DUOX2: variants seen among roughly 807,000 people sequenced by gnomAD.
DUOX2 encodes NADH/NADPH thyroid oxidase p138-tox.
A neutral mutation model predicts 183.3 loss-of-function variants in DUOX2; 185 were observed. That is an observed-to-expected ratio of 1.01 (90% CI 0.90 to 1.14). DUOX2 has a LOEUF of 1.14. DUOX2 is among the 50% of genes most tolerant of loss of function. The pLI is 0.00. For synonymous variants in DUOX2, 788 were observed against 812.4 expected, an observed-to-expected ratio of 0.97 and a Z score of 0.51; for missense variants, 1,999 against 2,022.9, an observed-to-expected ratio of 0.99 and a Z score of 0.23.
rs1894211283 is a variant in DUOX2 at position 45,106,256 on chromosome 15, G to A, written c.2017C>T (p.Gln673Ter). 6.2e-7 allele frequency: 1 copy of A among 1,614,006 alleles called. No individual in the cohort carries two copies. Among genetic ancestry groups the A allele is most frequent in the African/African-American group, 1.3e-5 (1 of 74,924 alleles). ...IIQLLSDRCL[Q>*]VLNRHLTVLR... is the part of the protein sequence containing the mutation. Reference sequence around the variant, plus strand: ...ACAGTGAGATGCCTGTTCAGGACCTGCAGACACCTGTCTGACAGCAGCTGG... The same window carrying A: ...ACAGTGAGATGCCTGTTCAGGACCTACAGACACCTGTCTGACAGCAGCTGG... The change falls in exon 17 of 34, where the codon CAG (glutamine) becomes TAG (stop). Residue 673 changes from glutamine to a stop codon, truncating the protein, a stop_gained. Coordinates refer to ENST00000389039, the MANE Select transcript of DUOX2 (RefSeq NM_001363711.2). LOFTEE classifies it high-confidence loss of function.
intron 29 of DUOX2, 47 bp downstream of exon 29, chr15:45,097,191 G>T: frequency 6.2e-7 from 1 of 1,613,142 alleles, no homozygotes; most frequent in Non-Finnish European, 8.5e-7. Flanking sequence ...CATGTCTGAA[G>T]ATTTGGCCTC....
intron 29 of DUOX2, among the ~76,000 whole-genome samples, chr15:45,096,331 T>C (rs1893899663): frequency 6.6e-6 from 1 of 152,100 alleles, no homozygotes; most frequent in Non-Finnish European, 1.5e-5. Flanking sequence ...TACCACTGCC[T>C]TGAATACCAA....
Position 45,114,069 on chromosome 15 carries a change from C to T in DUOX2, c.-111G>A. On this transcript the variant is annotated 5_prime_UTR_variant, in exon 1 of 34. Transcript: ENST00000389039. ...CTTGCCTTCACCCTCACTCTTCCAG[C>T]TCCGCCGATCCTCAGCCTCCCCGGC... 1 of 208,760 alleles carries T rather than the reference C, an allele frequency of 4.8e-6. No homozygotes were observed. The highest frequency in any genetic ancestry group is 9.8e-6 in the Non-Finnish European group (1 of 102,046). 12.9% of individuals were successfully genotyped at this position (208,760 alleles called of 1,614,324 possible). A position where few individuals can be genotyped will look rare whatever the true frequency, so the allele number is the denominator to read the frequency against.
rs1232421381 is a variant in DUOX2, at chr15:45,106,190, G to A, written c.2083C>T (p.Leu695Phe). 1.2e-6 allele frequency: 2 copies of A among 1,614,094 alleles called. No individual in the cohort carries two copies. The highest frequency in any genetic ancestry group is 2.2e-5 in the East Asian group (1 of 44,886). ...CATCCTCGGTTGTTGGACAGGATGA[G>A]GTTGACCTGCTGCAGAGGCTGCAGC... is the stretch of plus-strand genomic sequence containing the variant. ...VQLQPLQQVN[L>F]ILSNNRGCRT... The change falls in exon 17 of 34, where the codon CTC becomes TTC. Residue 695 changes from leucine (L) to phenylalanine (F), a missense_variant. Transcript: ENST00000389039.
chr15:45,107,234 A>G, intron 14 of DUOX2, 111 bp downstream of exon 14: 1 of 1,429,934 alleles, frequency 7.0e-7, no homozygotes, highest in Non-Finnish European at 9.9e-7. Context: ...CTCCTAGCCC[A>G]ACACAGAAGG....
Position 45,097,345 on chromosome 15 carries a change from T to A in DUOX2, c.3740A>T (p.His1247Leu). Residue 1247 changes from histidine to leucine, a missense_variant, in exon 29 of 34, where the codon CAC becomes CTC. His to Leu is a moderately conservative substitution (Grantham distance 99, BLOSUM62 -3). Coordinates refer to ENST00000389039, the MANE Select transcript of DUOX2 (RefSeq NM_001363711.2). ...GATTGCCGGGACCAGGAAGTAGATG[T>A]GGAAAGTGGGCAGCTGGATCAGAGC... Reference protein sequence around the residue: ...SYALIQLPTFHIYFLVPAIIY... With the variant: ...SYALIQLPTFLIYFLVPAIIY... 9.9e-6 allele frequency: 16 copies of A among 1,614,186 alleles called. No homozygotes were observed. The highest frequency in any genetic ancestry group is 1.4e-5 in the Non-Finnish European group (16 of 1,180,048).
intron 31 of DUOX2, 114 bp downstream of exon 31, chr15:45,095,323 C>A: frequency 2.0e-6 from 3 of 1,520,054 alleles, no homozygotes; most frequent in Non-Finnish European, 2.7e-6. Flanking sequence ...GTAAGAATGA[C>A]CCCTTCAGAC....
intron 13 of DUOX2, 105 bp downstream of exon 13, chr15:45,107,942 G>C: frequency 7.6e-7 from 1 of 1,314,480 alleles, no homozygotes; most frequent in African/African-American, 1.5e-5. Context: ...GGGTGTGGTG[G>C]GCTGACTGGG....
In DUOX2 at chr15:45,099,770, G is replaced by C; in HGVS notation, c.3307C>G (p.Arg1103Gly). 6.2e-7 allele frequency: 1 copy of C among 1,614,176 alleles called. No homozygotes were observed. Among genetic ancestry groups the C allele is most frequent in the Non-Finnish European group, 8.5e-7 (1 of 1,180,046 alleles). Residue 1103 changes from arginine to glycine, a missense_variant, in exon 25 of 34, where the codon CGC becomes GGC. Physicochemically the swap from Arg to Gly is moderately radical, Grantham distance 125 (BLOSUM62 -2). Coordinates refer to ENST00000389039, the MANE Select transcript of DUOX2 (RefSeq NM_001363711.2). The part of the protein sequence containing the change: ...MFSYILLTMC[R>G]NLITFLRETF... ...TCTCGCAGGAAGGTTATGAGGTTGC[G>C]GCACATGGTGAGCAAGATATAAGAG...
Position 45,095,845 on chromosome 15 carries a change from AG to A in DUOX2, c.4062del (p.Cys1355ValfsTer65). 1 of 1,614,124 alleles carries A rather than the reference AG, an allele frequency of 6.2e-7. No individual in the cohort carries two copies. The highest frequency in any genetic ancestry group is 8.5e-7 in the Non-Finnish European group (1 of 1,180,012). On this transcript the variant is annotated frameshift_variant, in exon 30 of 34. Coordinates refer to ENST00000389039, the MANE Select transcript of DUOX2 (RefSeq NM_001363711.2). LOFTEE classifies it high-confidence loss of function. ...ACGGGCACCTTTGGGTATCCAGCAC[AG>A]CCATTGCCCTTTGGGGATGAGTAGA... Reference protein sequence around the residue: ...REIYSSPKGNGCAGYPKLYLD... With the variant: ...REIYSSPKGNXCAGYPKLYLD...
Position 45,097,665 on chromosome 15 carries a change from G to A in DUOX2, c.3642C>T (p.Ser1214=), listed in dbSNP as rs1348262999. 1.2e-6 allele frequency: 2 copies of A among 1,614,262 alleles called. No homozygotes were observed. The highest frequency in any genetic ancestry group is 2.2e-5 in the South Asian group (2 of 91,088). The change falls in exon 28 of 34, where the codon AGC becomes AGT. Residue 1214 remains serine, a synonymous_variant. Transcript: ENST00000389039. The stretch of plus-strand genomic sequence containing the variant: ...GGTGGGTCAGCCAGAAGCCCCGGAA[G>A]CTGCGGCGGCGGAAGTGGTGGGAGG... ...VFASHHFRRR[S]FRGFWLTHHL... is the part of the protein sequence containing the mutation.
At position 45,092,775 on chromosome 15, in the gene DUOX2, T is replaced by G. The variant is rs1189275661; in HGVS notation, c.*1375A>C. ...TCTACAATAGAATACTACTCAGCAA[T>G]GAAAAGGAACAAACTGCTGATACAC... is the stretch of plus-strand genomic sequence containing the variant. On this transcript the variant is annotated 3_prime_UTR_variant, in exon 34 of 34. Transcript: ENST00000389039. The G allele has an allele frequency of 6.6e-6, 1 of 151,976 alleles. No homozygotes were observed. The highest frequency in any genetic ancestry group is 1.5e-5 in the Non-Finnish European group (1 of 68,006). The allele number at this position is 151,976 out of a possible 1,614,324, so 9.4% of individuals were successfully genotyped here. A position where few individuals can be genotyped will look rare whatever the true frequency, so the allele number is the denominator to read the frequency against.
At chr15:45,103,568 C>T (rs1279966663) in intron 20 of DUOX2, among the ~76,000 whole-genome samples, 2 of 152,190 alleles carry the variant, frequency 1.3e-5, no homozygotes, top group African/African-American at 4.8e-5. Flanking sequence ...AATAGCGGAG[C>T]AGCAACCAAG....
rs759378295 is a variant in DUOX2 at position 45,099,822 on chromosome 15, G to A, written c.3255C>T (p.Gly1085=). ...TTLVGIILSR[G]TAASVSFMFS... ...ACATGAAGGAGACGCTGGCCGCCGT[G>A]CCTCGTGACAGGATGATGCCCACGA... Residue 1085 remains glycine (G), a synonymous_variant, in exon 25 of 34, where the codon GGC becomes GGT. Transcript: ENST00000389039. 11 of 1,614,238 alleles carry A rather than the reference G, an allele frequency of 6.8e-6. No individual in the cohort carries two copies. Among genetic ancestry groups the A allele is most frequent in the Non-Finnish European group, 8.5e-6 (10 of 1,180,046 alleles).
chr15:45,106,158 G>A lies in DUOX2; in HGVS notation c.2115C>T (p.Thr705=), dbSNP rs1894206904. ...ACTCCTTAGGGATCTTGAGCAGCAG[G>A]GTGCGGCATCCTCGGTTGTTGGACA... ...LILSNNRGCR[T]LLLKIPKEYD... is the part of the protein sequence containing the mutation. Residue 705 remains threonine, a synonymous_variant, in exon 17 of 34, where the codon ACC becomes ACT. Transcript: ENST00000389039. 4 of 1,614,096 alleles carry A rather than the reference G, an allele frequency of 2.5e-6. No homozygotes were observed. Among genetic ancestry groups the A allele is most frequent in the Non-Finnish European group, 8.5e-7 (1 of 1,180,058 alleles).
chr15:45,113,697 G>A (rs1314968937), intron 1 of DUOX2, among the ~76,000 whole-genome samples: 1 of 152,140 alleles, frequency 6.6e-6, no homozygotes, highest in East Asian at 1.9e-4. Context: ...CACTGGGCAG[G>A]AGTCTTCTGG....
At chr15:45,112,942 C>A (rs771314467) in intron 3 of DUOX2, 45 bp downstream of exon 3, 1 of 1,606,046 alleles carries the variant, frequency 6.2e-7, no homozygotes, top group Non-Finnish European at 8.5e-7. Flanking sequence ...CGCCCCGGCC[C>A]TTCGCGAGCC....
intron 12 of DUOX2, 125 bp downstream of exon 12, chr15:45,108,664 A>G: frequency 8.7e-7 from 1 of 1,149,688 alleles, no homozygotes; most frequent in Admixed American, 2.0e-5. Context: ...TAAAATGGGG[A>G]AAATGATTAT....
intron 26 of DUOX2, chr15:45,099,028 T>TTTTA: frequency 4.1e-6 from 1 of 244,662 alleles, no homozygotes; most frequent in Non-Finnish European, 8.1e-6. Flanking sequence ...TTTTTTTTTT[T>TTTTA]GAGACGGAGT....
Sources: allele counts gnomAD v4.1 joint callset (sites outside exome capture counted in the v4.1 genomes callset), GRCh38; gene constraint gnomAD v4.1.1; transcripts MANE v1.5; gene names NCBI Gene and HGNC (gene_info 2026-07-23, HGNC 2026-07-21).